The following AVEN variants were observed in gnomAD, a reference collection of about 807,000 sequenced individuals.
The protein encoded by AVEN is apoptosis and caspase activation inhibitor.
In AVEN, 41 loss-of-function variants were observed where a neutral mutation model predicts 38.1. The ratio of observed to expected loss-of-function variants is 1.08; its 90% CI spans 0.84 to 1.40. The LOEUF (loss-of-function observed/expected upper bound fraction) is 1.40. Ranked by LOEUF, AVEN falls within the 40% of genes most tolerant of loss-of-function variation. The pLI, the probability that AVEN is intolerant of heterozygous loss-of-function variation, is 0.00. For synonymous variants in AVEN, 206 were observed against 171.8 expected, an observed-to-expected ratio of 1.20 and a Z score of -1.56; for missense variants, 605 against 438.8, an observed-to-expected ratio of 1.38 and a Z score of -3.38.
At chr15:33,857,674 C>G, downstream of AVEN, 1 of 1,434,146 alleles carries the variant, frequency 7.0e-7, no homozygotes, top group Non-Finnish European at 9.5e-7. Flanking sequence ...ATTTCCTCTC[C>G]TTGCCCGTCC....
intron 2 of AVEN, among the ~76,000 whole-genome samples, chr15:33,985,672 T>C (rs1050883056): frequency 6.6e-6 from 1 of 152,028 alleles, no homozygotes; most frequent in Non-Finnish European, 1.5e-5. Flanking sequence ...CCTCAGCACC[T>C]GACATGATGC....
At chr15:34,009,076 G>A (rs752845675) in intron 1 of AVEN, among the ~76,000 whole-genome samples, 8 of 151,636 alleles carry the variant, frequency 5.3e-5, no homozygotes, top group Non-Finnish European at 1.2e-4. Flanking sequence ...CAGAATCAAC[G>A]GAAGCCAGAA....
chr15:34,058,739 A>G (rs927436097), intron 5 of AVEN, among the ~76,000 whole-genome samples: 1 of 152,192 alleles, frequency 6.6e-6, no homozygotes, highest in Admixed American at 6.6e-5. Context: ...TCATCAGAAC[A>G]TTTATTTCAC....
chr15:34,037,032 C>T (rs1899162251), intron 1 of AVEN, among the ~76,000 whole-genome samples: 1 of 151,860 alleles, frequency 6.6e-6, no homozygotes, highest in Non-Finnish European at 1.5e-5. Flanking sequence ...TCACTTGAAC[C>T]CGGGAGGCGG....
At chr15:33,988,100 G>C (rs1272017505) in intron 2 of AVEN, among the ~76,000 whole-genome samples, 1 of 152,214 alleles carries the variant, frequency 6.6e-6, no homozygotes, top group African/African-American at 2.4e-5. Flanking sequence ...TTCTGTCCAG[G>C]TGCCTGCCTC....
Position 33,867,787 on chromosome 15 carries a change from C to T in AVEN, c.681G>A (p.Met227Ile). Residue 227 changes from methionine to isoleucine, a missense_variant, in exon 5 of 6, where the codon ATG (methionine) becomes ATA (isoleucine). By Grantham distance (10) the Met-to-Ile change is conservative. Coordinates refer to ENST00000306730, the MANE Select transcript of AVEN (RefSeq NM_020371.3). The stretch of plus-strand genomic sequence containing the variant: ...CAGGCCCCAAGGGCCCCTTTAACTG[C>T]ATCCCTAATCCCTTGCCATCATCAG... ...KRTDDGKGLG[M>I]QLKGPLGPGG... The T allele has an allele frequency of 6.2e-7, 1 of 1,613,932 alleles. No homozygotes were observed. Among genetic ancestry groups the T allele is most frequent in the South Asian group, 1.1e-5 (1 of 91,066 alleles).
the AVEN span, chr15:33,853,179 G>T: frequency 9.1e-7 from 1 of 1,094,044 alleles, no homozygotes; most frequent in South Asian, 1.7e-5. Flanking sequence ...GAGTAAATGT[G>T]ATGCTACTTT....
At chr15:33,896,891 G>C (rs1458641542) in intron 2 of AVEN, among the ~76,000 whole-genome samples, 1 of 152,184 alleles carries the variant, frequency 6.6e-6, no homozygotes, top group Non-Finnish European at 1.5e-5. Context: ...CCAAAAGGTA[G>C]ATATTGTGCC....
intron 2 of AVEN, among the ~76,000 whole-genome samples, chr15:33,942,454 TTTTTC>T (rs965694911): frequency 1.3e-5 from 2 of 152,078 alleles, no homozygotes; most frequent in Non-Finnish European, 2.9e-5. Flanking sequence ...TTATCTTTTT[TTTTTC>T]TTTTCTTTTG....
At chr15:34,042,459 G>A (rs1238490474), upstream of AVEN, among the ~76,000 whole-genome samples, 1 of 140,466 alleles carries the variant, frequency 7.1e-6, no homozygotes, top group East Asian at 2.2e-4. Flanking sequence ...GGAGTACAAT[G>A]GCGCAATCTC....
intron 2 of AVEN, among the ~76,000 whole-genome samples, chr15:33,985,698 C>G (rs1896410232): frequency 1.3e-5 from 2 of 152,006 alleles, no homozygotes; most frequent in Non-Finnish European, 2.9e-5. Flanking sequence ...ACACCTGATT[C>G]CTTAGTGTTT....
intron 5 of AVEN, among the ~76,000 whole-genome samples, chr15:34,047,644 C>T (rs1051061079): frequency 1.3e-5 from 2 of 152,216 alleles, no homozygotes; most frequent in East Asian, 3.9e-4. Context: ...CTCAGCCATT[C>T]TAGCTTGCGG....
At chr15:33,864,874 CATTG>C, downstream of AVEN, 1 of 440,342 alleles carries the variant, frequency 2.3e-6, no homozygotes, top group Admixed American at 3.9e-5. Context: ...TAGTGGCAAA[CATTG>C]ATTGGTTTCA....
intron 1 of AVEN, among the ~76,000 whole-genome samples, chr15:34,074,198 A>G (rs953698191): frequency 4.6e-5 from 7 of 150,998 alleles, no homozygotes; most frequent in Non-Finnish European, 1.0e-4. Context: ...GGGTTTGACT[A>G]TGTTGGCCAG....
chr15:34,031,275 A>C (rs1898799918), intron 1 of AVEN, among the ~76,000 whole-genome samples: 1 of 142,140 alleles, frequency 7.0e-6, no homozygotes, highest in South Asian at 2.2e-4. Flanking sequence ...CCCGGGTTCA[A>C]GCGATTCTCC....
intron 2 of AVEN, among the ~76,000 whole-genome samples, chr15:33,894,268 T>C (rs1167374686): frequency 2.0e-5 from 3 of 151,904 alleles, no homozygotes; most frequent in African/African-American, 7.3e-5. Context: ...GAATTTTAAA[T>C]AGCACTACCA....
intron 2 of AVEN, among the ~76,000 whole-genome samples, chr15:33,994,322 G>T (rs1896849720): frequency 6.6e-6 from 1 of 152,192 alleles, no homozygotes; most frequent in Admixed American, 6.5e-5. Context: ...AAGGCCTGAT[G>T]ATCTGTCAGT....
At chr15:33,885,297 G>A (rs75665860) in intron 2 of AVEN, among the ~76,000 whole-genome samples, 2,350 of 152,238 alleles carry the variant, frequency 0.015, 28 homozygotes, top group Middle Eastern at 0.037. Context: ...TGACATATTT[G>A]GAGGGTCAAG....
At chr15:33,976,981 C>G (rs540317334) in intron 2 of AVEN, among the ~76,000 whole-genome samples, 1 of 152,256 alleles carries the variant, frequency 6.6e-6, no homozygotes, top group African/African-American at 2.4e-5. Flanking sequence ...CAATTCCCAG[C>G]AGTGATTCCT....
Sources: gnomAD v4.1 joint callset for allele counts (sites outside exome capture counted in the v4.1 genomes callset) on GRCh38, gnomAD v4.1.1 for gene constraint, MANE v1.5 for transcripts, NCBI Gene and HGNC (gene_info 2026-07-23, HGNC 2026-07-21) for gene names.